The following NXPH1 variants were observed in gnomAD, a reference collection of about 807,000 sequenced individuals.
NXPH1 encodes the protein neurexophilin-1.
A neutral mutation model predicts 23.7 loss-of-function variants in NXPH1; 5 were observed. The observed-to-expected ratio is 0.21, with a 90% CI of 0.11 to 0.44. NXPH1 has a LOEUF of 0.44. Among genes scored for constraint, NXPH1 ranks in the 20% least tolerant of loss-of-function variants. The pLI, the probability that NXPH1 is intolerant of heterozygous loss-of-function variation, is 0.99. For synonymous variants in NXPH1, 144 were observed against 122.2 expected, an observed-to-expected ratio of 1.18 and a Z score of -1.18; for missense variants, 324 against 321.6, an observed-to-expected ratio of 1.01 and a Z score of -0.06.
chr7:8,608,927 A>T (rs999994503), intron 2 of NXPH1, among the ~76,000 whole-genome samples: 6 of 152,166 alleles, frequency 3.9e-5, no homozygotes, highest in African/African-American at 1.4e-4. Flanking sequence ...GAGAACAGGG[A>T]TATATACAGT....
In NXPH1 at chr7:8,659,007, T is replaced by TATA. The variant is rs1562445668; in HGVS notation, c.55-92001_55-92000insATA. Among the ~76,000 whole-genome samples, 10 of 17,758 alleles carry TATA rather than the reference T, an allele frequency of 5.6e-4. 3 individuals are homozygous for TATA. Among genetic ancestry groups the TATA allele is most frequent in the East Asian group, 1.8e-3 (2 of 1,088 alleles). 11.6% of individuals were successfully genotyped at this position (17,758 alleles called of 152,430 possible). Reference sequence around the variant, plus strand: ...AGAATATGTATATATATATATATATTTTTTTTTTTTTTTGCTAAAACAGAA... The same window carrying TATA: ...AGAATATGTATATATATATATATATTATATTTTTTTTTTTTTGCTAAAACAGAA... On this transcript the variant is annotated intron_variant, in intron 2 of 2. Coordinates refer to ENST00000405863, the MANE Select transcript of NXPH1 (RefSeq NM_152745.3).
At position 8,751,312 on chromosome 7, in the gene NXPH1, G is replaced by C. The variant is rs1434938046; in HGVS notation, c.359G>C (p.Gly120Ala). ...ACGGGCAAGTTTAAGAAAATGTTTGGATGGGGCGATTTTCATTCCAACATC... is the reference window on the plus strand; with the variant it reads ...ACGGGCAAGTTTAAGAAAATGTTTGCATGGGGCGATTTTCATTCCAACATC... The part of the protein sequence containing the change: ...VKTGKFKKMF[G>A]WGDFHSNIKT... Residue 120 changes from glycine (G) to alanine (A), a missense_variant, in exon 3 of 3, where the codon GGA (glycine) becomes GCA (alanine). By Grantham distance (60) the Gly-to-Ala change is moderately conservative. Transcript: ENST00000405863. This position sits in a 1 kb window ranked among gnomAD's most constrained non-coding sequence, Gnocchi z 4.5. 1.2e-6 allele frequency: 2 copies of C among 1,613,858 alleles called. No homozygotes were observed. The highest frequency in any genetic ancestry group is 1.7e-6 in the Non-Finnish European group (2 of 1,179,888).
intron 2 of NXPH1, among the ~76,000 whole-genome samples, chr7:8,622,423 C>T (rs1295110302): frequency 6.6e-6 from 1 of 152,130 alleles, no homozygotes; most frequent in Non-Finnish European, 1.5e-5. Flanking sequence ...TCTTTCCCAA[C>T]TACATTAGTC....
chr7:8,645,067 C>T (rs759173802), intron 2 of NXPH1, among the ~76,000 whole-genome samples: 6 of 152,088 alleles, frequency 3.9e-5, no homozygotes, highest in Non-Finnish European at 7.4e-5. Flanking sequence ...AAATAGTGCT[C>T]GTTCTCTTGT....
At chr7:8,458,526 G>A (rs190308763) in intron 2 of NXPH1, among the ~76,000 whole-genome samples, 4 of 152,174 alleles carry the variant, frequency 2.6e-5, no homozygotes, top group African/African-American at 7.2e-5. Flanking sequence ...GAACCAAAGA[G>A]TGATGAAGTG....
chr7:8,676,003 A>G (rs1820945561), intron 2 of NXPH1, among the ~76,000 whole-genome samples: 2 of 152,116 alleles, frequency 1.3e-5, no homozygotes, highest in Admixed American at 6.6e-5. Flanking sequence ...ACAAATCTCT[A>G]GGGATAGGCT....
chr7:8,442,948 G>T lies in NXPH1; in HGVS notation c.54+7181G>T, dbSNP rs1238835114. ...TTGATCGCGGGCAGGCGGGCGTGGG[G>T]CACGCCAGGGCCGGGAGAGCGACTC... is the stretch of plus-strand genomic sequence containing the variant. On this transcript the variant is annotated intron_variant, in intron 2 of 2. Coordinates refer to ENST00000405863, the MANE Select transcript of NXPH1 (RefSeq NM_152745.3). This position sits in a 1 kb window ranked among gnomAD's most constrained non-coding sequence, Gnocchi z 4.6. Among the ~76,000 whole-genome samples, 2 of 152,240 alleles carry T rather than the reference G, an allele frequency of 1.3e-5. No homozygotes were observed. Among genetic ancestry groups the T allele is most frequent in the Non-Finnish European group, 2.9e-5 (2 of 68,036 alleles).
At chr7:8,515,345 TG>T (rs1391967987) in intron 2 of NXPH1, among the ~76,000 whole-genome samples, 13 of 152,108 alleles carry the variant, frequency 8.5e-5, no homozygotes, top group African/African-American at 2.2e-4. Flanking sequence ...GGATAGATCA[TG>T]GGACACATGG....
chr7:8,588,830 A>C (rs980301089), intron 2 of NXPH1, among the ~76,000 whole-genome samples: 2 of 152,176 alleles, frequency 1.3e-5, no homozygotes, highest in African/African-American at 4.8e-5. Flanking sequence ...GGTGCTTAAA[A>C]TGCGATTATA....
intron 2 of NXPH1, among the ~76,000 whole-genome samples, chr7:8,732,730 T>A (rs1394704701): frequency 6.6e-6 from 1 of 152,112 alleles, no homozygotes; most frequent in Non-Finnish European, 1.5e-5. Flanking sequence ...ATATAAAATA[T>A]AAGCTATTTT....
intron 2 of NXPH1, among the ~76,000 whole-genome samples, chr7:8,449,723 T>C (rs115035607): frequency 1.3e-5 from 2 of 152,232 alleles, no homozygotes; most frequent in Non-Finnish European, 2.9e-5. Context: ...CATAAAAATA[T>C]TTCAAAAGAA....
rs867272149 is a variant in NXPH1, at chr7:8,469,381, C to T, written c.54+33614C>T. 2.0e-5 allele frequency among the ~76,000 whole-genome samples: 3 copies of T among 151,982 alleles called. No individual in the cohort carries two copies. In the South Asian group the frequency reaches 6.2e-4, roughly 32 times the overall value. ...TAACACATTTTTATTGAGTATTTAC[C>T]GCCAAACACTGTGCTGGATGATTTA... On this transcript the variant is annotated intron_variant, in intron 2 of 2. Transcript: ENST00000405863.
chr7:8,471,238 A>G (rs949712262), intron 2 of NXPH1, among the ~76,000 whole-genome samples: 4 of 152,196 alleles, frequency 2.6e-5, no homozygotes, highest in African/African-American at 9.7e-5. Context: ...TTTAAGGCAG[A>G]GATCAGGCCA....
At chr7:8,482,990 C>T (rs1200285299) in intron 2 of NXPH1, among the ~76,000 whole-genome samples, 10 of 152,148 alleles carry the variant, frequency 6.6e-5, no homozygotes, top group African/African-American at 1.2e-4. Context: ...TGTCAATATA[C>T]GGAAATAAAC....
chr7:8,716,867 G>T (rs565058123), intron 2 of NXPH1, among the ~76,000 whole-genome samples: 1 of 152,238 alleles, frequency 6.6e-6, no homozygotes, highest in East Asian at 1.9e-4. Context: ...CTGCTGCATG[G>T]GGCACTCTAG....
chr7:8,597,085 G>C (rs2128626509), intron 2 of NXPH1, among the ~76,000 whole-genome samples: 1 of 152,118 alleles, frequency 6.6e-6, no homozygotes. Flanking sequence ...TCACAGCTGA[G>C]GGAAGAGTCT....
chr7:8,620,524 G>A (rs1451497082), intron 2 of NXPH1, among the ~76,000 whole-genome samples: 1 of 152,146 alleles, frequency 6.6e-6, no homozygotes, highest in African/African-American at 2.4e-5. Flanking sequence ...TATTGCTACT[G>A]TTCTGTAACA....
At chr7:8,746,760 A>G (rs543696372) in intron 2 of NXPH1, among the ~76,000 whole-genome samples, 1 of 152,146 alleles carries the variant, frequency 6.6e-6, no homozygotes, top group Non-Finnish European at 1.5e-5. Flanking sequence ...TATAAGTACA[A>G]ATGTTGCAAA....
chr7:8,627,517 G>T (rs4621710), intron 2 of NXPH1, among the ~76,000 whole-genome samples: 2 of 152,108 alleles, frequency 1.3e-5, no homozygotes, highest in Non-Finnish European at 2.9e-5. Context: ...TAGTAGGATC[G>T]CAGGGGGAGA....
Sources: gnomAD v4.1 joint callset for allele counts (sites outside exome capture counted in the v4.1 genomes callset) on GRCh38, gnomAD v4.1.1 for gene constraint, Gnocchi (gnomAD v3.1) non-coding constraint, MANE v1.5 for transcripts, NCBI Gene and HGNC (gene_info 2026-07-23, HGNC 2026-07-21) for gene names.